The following SEPTIN9 variants were observed in gnomAD, a reference collection of about 807,000 sequenced individuals.
SEPTIN9 encodes the protein septin-9.
SEPTIN9 carries 13 observed loss-of-function variants against 56.6 expected under a neutral mutation model. The ratio of observed to expected loss-of-function variants is 0.23; its 90% confidence interval spans 0.15 to 0.37. The LOEUF (loss-of-function observed/expected upper bound fraction) is 0.37. Among genes scored for constraint, SEPTIN9 ranks in the 10% least tolerant of loss-of-function variants. The pLI is 1.00. For synonymous variants in SEPTIN9, 332 were observed against 334.1 expected (o/e 0.99, Z 0.07); for missense variants, 650 against 823.1 (o/e 0.79, Z 2.57).
At chr17:77,458,602 C>T (rs986578124) in intron 3 of SEPTIN9, among the ~76,000 whole-genome samples, 6 of 152,124 alleles carry the variant, frequency 3.9e-5, no homozygotes, top group African/African-American at 7.2e-5. Context: ...TGAGGACAAA[C>T]GGGGATGAAA....
In SEPTIN9 at chr17:77,330,247, C is replaced by T. The variant is rs543604886; in HGVS notation, c.76+23050C>T. On this transcript the variant is annotated intron_variant, in intron 2 of 11. Coordinates refer to ENST00000427177, the MANE Select transcript of SEPTIN9 (RefSeq NM_001113491.2). The surrounding 1 kb of genome is among the most constrained non-coding windows in gnomAD (Gnocchi z 4.4). ...CCCCCTCTTGGAGCACCTGCTGCTCCGGGTGCCTCTGGGGGCGGGCCCCCA... is the reference window on the plus strand; with the variant it reads ...CCCCCTCTTGGAGCACCTGCTGCTCTGGGTGCCTCTGGGGGCGGGCCCCCA... Among the ~76,000 whole-genome samples the T allele has an allele frequency of 3.9e-5, 6 of 152,316 alleles. No homozygotes were observed. The highest frequency in any genetic ancestry group is 2.1e-4 in the South Asian group (1 of 4,830).
chr17:77,327,245 G>A lies in SEPTIN9; in HGVS notation c.76+20048G>A, dbSNP rs575416572. On this transcript the variant is annotated intron_variant, in intron 2 of 11. Coordinates refer to ENST00000427177, the MANE Select transcript of SEPTIN9 (RefSeq NM_001113491.2). This position sits in a 1 kb window ranked among gnomAD's most constrained non-coding sequence, Gnocchi z 5.0. The stretch of plus-strand genomic sequence containing the variant: ...CTCGCTGGCTGCTGCCCTCAGGTTA[G>A]TTTATTTTTACCCGGCCTGCTCCCA... Among the ~76,000 whole-genome samples the A allele has an allele frequency of 6.6e-6, 1 of 151,360 alleles. No homozygotes were observed. Among genetic ancestry groups the A allele is most frequent in the Non-Finnish European group, 1.5e-5 (1 of 67,958 alleles).
At chr17:77,474,674 G>A (rs78822963) in intron 3 of SEPTIN9, among the ~76,000 whole-genome samples, 8,576 of 152,274 alleles carry the variant, frequency 0.056, 322 homozygotes, top group Middle Eastern at 0.18. Flanking sequence ...CCTGGCCTGG[G>A]GAGGGGGTCA....
chr17:77,288,727 G>A (rs1459939618), intron 1 of SEPTIN9, among the ~76,000 whole-genome samples: 4 of 152,330 alleles, frequency 2.6e-5, no homozygotes, highest in Middle Eastern at 6.8e-3. Context: ...AGAGGGATTT[G>A]GAGGGTTGTC....
intron 10 of SEPTIN9, among the ~76,000 whole-genome samples, chr17:77,495,658 C>G (rs1185943207): frequency 1.3e-5 from 2 of 152,252 alleles, no homozygotes; most frequent in African/African-American, 4.8e-5. Flanking sequence ...CTGAGAGCCC[C>G]ATTCTTCCTG....
chr17:77,480,764 A>G (rs952297539), intron 3 of SEPTIN9, among the ~76,000 whole-genome samples: 3 of 152,076 alleles, frequency 2.0e-5, no homozygotes, highest in South Asian at 2.1e-4. Flanking sequence ...CCTGCCTGGG[A>G]GCGTGCCGTG....
rs577131369 is a variant in SEPTIN9, at chr17:77,346,278, C to CTTTTTTTTTTTTTTTTTTTTTTTT, written c.76+39087_76+39110dup. On this transcript the variant is annotated intron_variant, in intron 2 of 11. Coordinates refer to ENST00000427177, the MANE Select transcript of SEPTIN9 (RefSeq NM_001113491.2). ...AGATTCTTAAAGCAGATCCTTAGGT[C>CTTTTTTTTTTTTTTTTTTTTTTTT]TTTTTTTTTTTTTTTTTTTTTTTTT... 6.7e-4 allele frequency among the ~76,000 whole-genome samples: 31 copies of CTTTTTTTTTTTTTTTTTTTTTTTT among 46,318 alleles called. 2 individuals are homozygous for CTTTTTTTTTTTTTTTTTTTTTTTT. Among genetic ancestry groups the CTTTTTTTTTTTTTTTTTTTTTTTT allele is most frequent in the Non-Finnish European group, 9.5e-4 (24 of 25,282 alleles). 30.4% of individuals were successfully genotyped at this position (46,318 alleles called of 152,430 possible). A position where few individuals can be genotyped will look rare whatever the true frequency, so the allele number is the denominator to read the frequency against.
At chr17:77,496,271 C>A (rs527747016) in intron 10 of SEPTIN9, 1 of 152,286 alleles carries the variant, frequency 6.6e-6, no homozygotes, top group South Asian at 2.1e-4. Flanking sequence ...TCGTGATCCA[C>A]CCACCTCAGC....
rs140884767 is a variant in SEPTIN9, at chr17:77,336,823, A to G, written c.76+29626A>G. Among the ~76,000 whole-genome samples, 11 of 152,244 alleles carry G rather than the reference A, an allele frequency of 7.2e-5. No individual in the cohort carries two copies. The East Asian group carries it at 1.9e-3, about 27-fold the overall frequency. On this transcript the variant is annotated intron_variant, in intron 2 of 11. Coordinates refer to ENST00000427177, the MANE Select transcript of SEPTIN9 (RefSeq NM_001113491.2). ...TTATAATGTTAACTTTAGATTTGTC[A>G]TATATGACCTTTGTCAGATTGAGGA... is the stretch of plus-strand genomic sequence containing the variant.
rs768230745 is a variant in SEPTIN9 at position 77,445,305 on chromosome 17, G to A, written c.722-36839G>A. The stretch of plus-strand genomic sequence containing the variant: ...TTCCTCCGCACCCCCATGCAGAAGC[G>A]CGGCCGCCAGCTCACAAAGGATAGG... On this transcript the variant is annotated intron_variant, in intron 3 of 11. Transcript: ENST00000427177. The surrounding 1 kb of genome is among the most constrained non-coding windows in gnomAD (Gnocchi z 4.7). The A allele has an allele frequency of 1.1e-5, 5 of 465,722 alleles. No individual in the cohort carries two copies. Among genetic ancestry groups the A allele is most frequent in the African/African-American group, 4.0e-5 (2 of 50,062 alleles). 28.8% of individuals were successfully genotyped at this position (465,722 alleles called of 1,614,324 possible). A position where few individuals can be genotyped will look rare whatever the true frequency, so the allele number is the denominator to read the frequency against.
At chr17:77,373,324 G>C in intron 2 of SEPTIN9, 1 of 1,167,334 alleles carries the variant, frequency 8.6e-7, no homozygotes, top group African/African-American at 1.6e-5. Context: ...GCCGGCGCCC[G>C]CCTTCCTCCC....
rs563550025 is a variant in SEPTIN9, at chr17:77,442,768, G to A, written c.722-39376G>A. 2.3e-4 allele frequency among the ~76,000 whole-genome samples: 35 copies of A among 152,122 alleles called. No homozygotes were observed. In the South Asian group the frequency reaches 3.3e-3, roughly 14 times the overall value. On this transcript the variant is annotated intron_variant, in intron 3 of 11. Coordinates refer to ENST00000427177, the MANE Select transcript of SEPTIN9 (RefSeq NM_001113491.2). ...CACACCTGTAATCCCAGCTACTTGG[G>A]AAGCTGAGGCAGGAGAATTGCTTGA...
At chr17:77,423,975 T>C (rs2036803782) in intron 3 of SEPTIN9, among the ~76,000 whole-genome samples, 1 of 152,008 alleles carries the variant, frequency 6.6e-6, no homozygotes, top group Non-Finnish European at 1.5e-5. Context: ...GGCATGTCGC[T>C]GGGAGCCTGT....
At chr17:77,398,877 C>T (rs897630165) in intron 2 of SEPTIN9, among the ~76,000 whole-genome samples, 5 of 152,196 alleles carry the variant, frequency 3.3e-5, no homozygotes, top group Admixed American at 1.3e-4. Context: ...GGTGCTGGAC[C>T]GAAACACCCA....
chr17:77,414,155 T>C (rs1430479486), intron 3 of SEPTIN9, among the ~76,000 whole-genome samples: 3 of 152,192 alleles, frequency 2.0e-5, no homozygotes, highest in Admixed American at 1.3e-4. Context: ...CTCGGCTGAC[T>C]GCAACCTCCG....
intron 1 of SEPTIN9, among the ~76,000 whole-genome samples, chr17:77,305,463 G>C (rs1023458147): frequency 6.6e-6 from 1 of 152,066 alleles, no homozygotes; most frequent in Admixed American, 6.6e-5. Context: ...CTCCTTCAAG[G>C]CTCAGCTTTG....
intron 2 of SEPTIN9, 70 bp from the exon 3 acceptor site, chr17:77,401,989 A>G (rs927870667): frequency 6.6e-7 from 1 of 1,505,538 alleles, no homozygotes; most frequent in African/African-American, 1.4e-5. Context: ...GCTGCTCCTT[A>G]GCAGGAAACA....
At position 77,437,358 on chromosome 17, in the gene SEPTIN9, C is replaced by T. The variant is rs1366503142; in HGVS notation, c.721+34655C>T. ...CCTTCTACACCCCCACCCCACGCCC[C>T]CAGGAGCTCCCTATGGGGAAGCCGG... On this transcript the variant is annotated intron_variant, in intron 3 of 11. Coordinates refer to ENST00000427177, the MANE Select transcript of SEPTIN9 (RefSeq NM_001113491.2). The surrounding 1 kb of genome is among the most constrained non-coding windows in gnomAD (Gnocchi z 5.3). 2.0e-5 allele frequency among the ~76,000 whole-genome samples: 3 copies of T among 152,208 alleles called. No homozygotes were observed. Among genetic ancestry groups the T allele is most frequent in the Admixed American group, 2.0e-4 (3 of 15,290 alleles).
intron 3 of SEPTIN9, among the ~76,000 whole-genome samples, chr17:77,418,097 T>TA (rs934617243): frequency 3.9e-5 from 6 of 152,266 alleles, no homozygotes; most frequent in African/African-American, 1.4e-4. Context: ...TGCGGCACCT[T>TA]ACAGCCCCTT....
Sources: gnomAD v4.1 joint callset for allele counts (sites outside exome capture counted in the v4.1 genomes callset) on GRCh38, gnomAD v4.1.1 for gene constraint, Gnocchi (gnomAD v3.1) non-coding constraint, MANE v1.5 for transcripts, NCBI Gene and HGNC (gene_info 2026-07-23, HGNC 2026-07-21) for gene names.